Variants in CPED1 observed in about 807,000 individuals in gnomAD.
CPED1 encodes cadherin like and PC-esterase domain containing 1.
In CPED1, 114 loss-of-function variants were observed where a neutral mutation model predicts 128.2. The observed-to-expected ratio is 0.89, with a 90% CI of 0.76 to 1.04. The LOEUF is 1.04. Ranked by LOEUF, CPED1 falls within the 50% of genes least tolerant of loss-of-function variation. CPED1 has a pLI of 0.00. For missense variants in CPED1, 1,211 were observed against 1,207.1 expected, an observed-to-expected ratio of 1.00 and a Z score of -0.05; for synonymous variants, 462 against 426.7, an observed-to-expected ratio of 1.08 and a Z score of -1.02.
At chr7:121,078,279 G>C (rs1220455335) in intron 5 of CPED1, among the ~76,000 whole-genome samples, 1 of 152,052 alleles carries the variant, frequency 6.6e-6, no homozygotes, top group Non-Finnish European at 1.5e-5. Flanking sequence ...TCTTGACCTT[G>C]TGATCCACCC....
chr7:121,056,649 GATATGTTCTT>G (rs1161418581), intron 4 of CPED1, among the ~76,000 whole-genome samples: 2 of 152,110 alleles, frequency 1.3e-5, no homozygotes, highest in East Asian at 3.8e-4. Flanking sequence ...TCTCCTCTGG[GATATGTTCTT>G]ATATTATTTC....
chr7:120,999,009 C>A (rs140362435), intron 2 of CPED1, among the ~76,000 whole-genome samples: 1 of 152,098 alleles, frequency 6.6e-6, no homozygotes, highest in African/African-American at 2.4e-5. Context: ...AGTTGATTGG[C>A]TTACTGCTAC....
intron 5 of CPED1, among the ~76,000 whole-genome samples, chr7:121,092,193 C>T (rs1008845685): frequency 2.0e-5 from 3 of 152,180 alleles, no homozygotes; most frequent in African/African-American, 4.8e-5. Context: ...TTGCAACCCA[C>T]TCTTGTGTAC....
chr7:121,172,704 G>GATT (rs1554443562), intron 16 of CPED1, among the ~76,000 whole-genome samples: 1 of 53,610 alleles, frequency 1.9e-5, no homozygotes, highest in South Asian at 6.1e-4. Flanking sequence ...ATAGATAGAT[G>GATT]TATTAGTTAA....
intron 18 of CPED1, among the ~76,000 whole-genome samples, chr7:121,255,766 T>C (rs1238260480): frequency 6.6e-6 from 1 of 151,856 alleles, no homozygotes; most frequent in Non-Finnish European, 1.5e-5. Flanking sequence ...ACACCAATAA[T>C]GTCCAGGCTG....
chr7:121,078,830 C>T (rs1156735481), intron 5 of CPED1, among the ~76,000 whole-genome samples: 1 of 152,194 alleles, frequency 6.6e-6, no homozygotes, highest in Non-Finnish European at 1.5e-5. Flanking sequence ...TTTGCTAGGG[C>T]TGCCGTAACA....
intron 22 of CPED1, among the ~76,000 whole-genome samples, chr7:121,274,449 A>G (rs942822294): frequency 9.9e-5 from 15 of 152,158 alleles, no homozygotes; most frequent in Non-Finnish European, 2.2e-4. Context: ...TTTCTGATGT[A>G]GGCTGTCTTG....
Position 120,989,886 on chromosome 7 carries a change from G to T in CPED1, c.249+16G>T. 1 of 1,612,928 alleles carries T rather than the reference G, an allele frequency of 6.2e-7. No homozygotes were observed. Among genetic ancestry groups the T allele is most frequent in the Non-Finnish European group, 8.5e-7 (1 of 1,179,594 alleles). ...AACCAGAAAGGTAAGACTCTCATAA[G>T]CTTAACGGAGACAGTTTCTGCAAAG... On this transcript the variant is annotated intron_variant, in intron 2 of 22. Transcript: ENST00000310396.
chr7:121,238,240 C>T (rs1798305229), intron 17 of CPED1, among the ~76,000 whole-genome samples: 1 of 152,106 alleles, frequency 6.6e-6, no homozygotes, highest in Non-Finnish European at 1.5e-5. Context: ...GCTAGGTCTC[C>T]TTAGAGAAGG....
At chr7:121,229,861 A>G (rs1798098286) in intron 16 of CPED1, among the ~76,000 whole-genome samples, 1 of 152,014 alleles carries the variant, frequency 6.6e-6, no homozygotes. Flanking sequence ...TGAGAAGGAA[A>G]TGCTTTCAGT....
intron 6 of CPED1, among the ~76,000 whole-genome samples, chr7:121,098,180 AT>A (rs1000592240): frequency 1.3e-5 from 2 of 151,894 alleles, no homozygotes; most frequent in South Asian, 2.1e-4. Flanking sequence ...GGCTGGATGC[AT>A]TTTTTTTCTG....
intron 7 of CPED1, 69 bp from the exon 8 acceptor site, chr7:121,124,262 G>T: frequency 2.8e-6 from 4 of 1,406,896 alleles, no homozygotes; most frequent in Admixed American, 4.3e-5. Flanking sequence ...CTTCAAATTG[G>T]TCACCTTGAA....
At chr7:121,132,823 G>A (rs1381421355) in intron 12 of CPED1, among the ~76,000 whole-genome samples, 1 of 151,990 alleles carries the variant, frequency 6.6e-6, no homozygotes, top group Non-Finnish European at 1.5e-5. Context: ...GCATTTCAGG[G>A]TTGTGTCTTT....
At position 121,004,595 on chromosome 7, in the gene CPED1, G is replaced by A. The variant is rs147379627; in HGVS notation, c.250-11070G>A. On this transcript the variant is annotated intron_variant, in intron 2 of 22. Transcript: ENST00000310396. Reference sequence around the variant, plus strand: ...CAGCAGAGCTAGGAGAACAACTGAGGTCACAAACTGGGCAGGATGGAGGTG... The same window carrying A: ...CAGCAGAGCTAGGAGAACAACTGAGATCACAAACTGGGCAGGATGGAGGTG... Among the ~76,000 whole-genome samples the A allele has an allele frequency of 7.9e-5, 12 of 152,270 alleles. No homozygotes were observed. In the East Asian group the frequency reaches 1.7e-3, roughly 22 times the overall value.
intron 16 of CPED1, among the ~76,000 whole-genome samples, chr7:121,183,432 A>G (rs1245310298): frequency 2.0e-5 from 3 of 152,174 alleles, no homozygotes; most frequent in Admixed American, 6.6e-5. Flanking sequence ...GGGTATCCCA[A>G]AGAAAGAGAG....
At chr7:121,219,719 G>A (rs1206582736) in intron 16 of CPED1, among the ~76,000 whole-genome samples, 5 of 151,980 alleles carry the variant, frequency 3.3e-5, no homozygotes, top group Non-Finnish European at 7.4e-5. Flanking sequence ...TTATAAGTAA[G>A]ATTATCCATT....
chr7:121,243,782 G>A (rs1798454705), intron 17 of CPED1, among the ~76,000 whole-genome samples: 1 of 152,210 alleles, frequency 6.6e-6, no homozygotes, highest in South Asian at 2.1e-4. Flanking sequence ...GCAGGGAATA[G>A]ATCTATTATA....
intron 16 of CPED1, among the ~76,000 whole-genome samples, chr7:121,172,566 T>G (rs1796671371): frequency 6.6e-6 from 1 of 152,090 alleles, no homozygotes; most frequent in Admixed American, 6.6e-5. Context: ...GATTTATGTG[T>G]CTGCCCTTAT....
At chr7:121,110,218 G>A (rs932510703) in intron 7 of CPED1, among the ~76,000 whole-genome samples, 5 of 152,046 alleles carry the variant, frequency 3.3e-5, no homozygotes, top group African/African-American at 4.8e-5. Context: ...AGTATTTACC[G>A]GCTACCTCTT....
Sources: allele counts gnomAD v4.1 joint callset (sites outside exome capture counted in the v4.1 genomes callset), GRCh38; gene constraint gnomAD v4.1.1; transcripts MANE v1.5; gene names NCBI Gene and HGNC (gene_info 2026-07-23, HGNC 2026-07-21).